The following HS6ST3 variants were observed in gnomAD, a reference collection of about 807,000 sequenced individuals.
The protein encoded by HS6ST3 is heparan sulfate 6-O-sulfotransferase 3, also known as heparan-sulfate 6-O-sulfotransferase 3.
Under a neutral mutation model 36.7 loss-of-function variants are expected in HS6ST3, and 12 were observed. The observed-to-expected ratio is 0.33, with a 90% CI of 0.21 to 0.53. The LOEUF (loss-of-function observed/expected upper bound fraction) is 0.53, where lower values mean the gene tolerates loss of function less well. HS6ST3 is among the 20% of genes least tolerant of loss of function. HS6ST3 has a pLI of 0.95. For synonymous variants in HS6ST3, 240 were observed against 257.5 expected (o/e 0.93, Z 0.65); for missense variants, 584 against 640.9 (o/e 0.91, Z 0.96).
intron 1 of HS6ST3, among the ~76,000 whole-genome samples, chr13:96,405,514 A>G (rs1443231605): frequency 6.6e-6 from 1 of 152,218 alleles, no homozygotes; most frequent in Non-Finnish European, 1.5e-5. Context: ...TACACAAGGA[A>G]TATCAGTGAA....
intron 1 of HS6ST3, among the ~76,000 whole-genome samples, chr13:96,437,561 C>A (rs561292496): frequency 1.8e-4 from 28 of 152,288 alleles, no homozygotes; most frequent in African/African-American, 6.5e-4. Context: ...GAATTAAATT[C>A]AGAGAATCTG....
rs1211616310 is a variant in HS6ST3 at position 96,836,855 on chromosome 13, A to T, written c.*3657A>T. ...ACTGGTTTTACAGCTCTGGTGTGTGATGTTACCAGACGCCTAGGCCCTCTC... is the reference window on the plus strand; with the variant it reads ...ACTGGTTTTACAGCTCTGGTGTGTGTTGTTACCAGACGCCTAGGCCCTCTC... On this transcript the variant is annotated 3_prime_UTR_variant, in exon 2 of 2. Transcript: ENST00000376705. The T allele has an allele frequency of 6.6e-6, 1 of 152,198 alleles. No individual in the cohort carries two copies. Among genetic ancestry groups the T allele is most frequent in the Non-Finnish European group, 1.5e-5 (1 of 68,036 alleles). 9.4% of individuals were successfully genotyped at this position (152,198 alleles called of 1,614,324 possible).
intron 1 of HS6ST3, among the ~76,000 whole-genome samples, chr13:96,222,685 A>C (rs1330860153): frequency 1.3e-5 from 2 of 152,276 alleles, no homozygotes; most frequent in African/African-American, 2.4e-5. Context: ...TGGAAAAATC[A>C]GAAGGAATTT....
intron 1 of HS6ST3, among the ~76,000 whole-genome samples, chr13:96,105,387 A>G (rs1255967040): frequency 6.6e-6 from 1 of 152,188 alleles, no homozygotes; most frequent in Non-Finnish European, 1.5e-5. Context: ...ACAATGGCTC[A>G]CACCTATAAT....
intron 1 of HS6ST3, among the ~76,000 whole-genome samples, chr13:96,687,688 G>A (rs2138442279): frequency 6.6e-6 from 1 of 152,044 alleles, no homozygotes; most frequent in South Asian, 2.1e-4. Flanking sequence ...GATAAGGGCA[G>A]GTGTGGTGGT....
At chr13:96,196,079 C>G (rs574133212) in intron 1 of HS6ST3, among the ~76,000 whole-genome samples, 169 of 152,176 alleles carry the variant, frequency 1.1e-3, no homozygotes, top group African/African-American at 3.8e-3. Flanking sequence ...TGTACTCTTA[C>G]AGTATGTTCC....
intron 1 of HS6ST3, among the ~76,000 whole-genome samples, chr13:96,384,669 A>G (rs2055358589): frequency 6.6e-6 from 1 of 152,162 alleles, no homozygotes. Context: ...CATGGAACTC[A>G]GGCTTTGTGT....
At chr13:96,375,189 A>G (rs992320280) in intron 1 of HS6ST3, among the ~76,000 whole-genome samples, 1 of 152,012 alleles carries the variant, frequency 6.6e-6, no homozygotes, top group African/African-American at 2.4e-5. Context: ...GACTTAGCCA[A>G]AACACCACCC....
At chr13:96,140,471 CT>C (rs1360942613) in intron 1 of HS6ST3, among the ~76,000 whole-genome samples, 3 of 152,080 alleles carry the variant, frequency 2.0e-5, no homozygotes, top group Non-Finnish European at 2.9e-5. Context: ...CATTGTAAAC[CT>C]TGACTAACAC....
chr13:96,475,253 G>T (rs1004998586), intron 1 of HS6ST3, among the ~76,000 whole-genome samples: 1 of 152,100 alleles, frequency 6.6e-6, no homozygotes, highest in African/African-American at 2.4e-5. Flanking sequence ...GATGGACCAT[G>T]ACTTAGAAGC....
chr13:96,108,735 G>A (rs943205336), intron 1 of HS6ST3, among the ~76,000 whole-genome samples: 1 of 152,094 alleles, frequency 6.6e-6, no homozygotes, highest in Admixed American at 6.6e-5. Context: ...AAGAGGTAAA[G>A]GACAGAGAAG....
At chr13:96,521,279 G>A (rs1173798224) in intron 1 of HS6ST3, among the ~76,000 whole-genome samples, 5 of 152,232 alleles carry the variant, frequency 3.3e-5, no homozygotes, top group African/African-American at 7.2e-5. Flanking sequence ...TTTTCACATC[G>A]ATGTTCATCA....
chr13:96,462,024 G>T (rs1285170822), intron 1 of HS6ST3, among the ~76,000 whole-genome samples: 1 of 152,134 alleles, frequency 6.6e-6, no homozygotes, highest in African/African-American at 2.4e-5. Context: ...TTAAGAAATT[G>T]ATTACTATGT....
intron 1 of HS6ST3, among the ~76,000 whole-genome samples, chr13:96,686,412 TAAA>T (rs1276651137): frequency 6.6e-6 from 1 of 152,048 alleles, no homozygotes; most frequent in East Asian, 1.9e-4. Flanking sequence ...CAAAGCCATC[TAAA>T]AAAGTGCCTT....
chr13:96,797,776 G>A (rs368106536), intron 1 of HS6ST3, among the ~76,000 whole-genome samples: 2 of 152,050 alleles, frequency 1.3e-5, no homozygotes, highest in Admixed American at 6.6e-5. Context: ...TAGTCACCAA[G>A]CAGTGTGTGG....
intron 1 of HS6ST3, among the ~76,000 whole-genome samples, chr13:96,457,891 G>A (rs887391169): frequency 4.0e-5 from 6 of 151,826 alleles, no homozygotes; most frequent in African/African-American, 1.2e-4. Flanking sequence ...CATGTCACCT[G>A]TTTCATTGAG....
intron 1 of HS6ST3, among the ~76,000 whole-genome samples, chr13:96,636,195 G>T (rs1274855541): frequency 1.3e-5 from 2 of 152,094 alleles, no homozygotes; most frequent in African/African-American, 2.4e-5. Flanking sequence ...TGCAAAATGT[G>T]CTTCTGACTG....
chr13:96,760,919 T>C (rs908941479), intron 1 of HS6ST3, among the ~76,000 whole-genome samples: 1 of 152,138 alleles, frequency 6.6e-6, no homozygotes, highest in Admixed American at 6.5e-5. Context: ...ATTTATAGAT[T>C]GGACGGGCAG....
At chr13:96,093,076 A>G (rs967595992) in intron 1 of HS6ST3, among the ~76,000 whole-genome samples, 2 of 152,200 alleles carry the variant, frequency 1.3e-5, no homozygotes, top group Non-Finnish European at 2.9e-5. Flanking sequence ...TTTCTGCTAC[A>G]TTTCATCCAA....
Sources: allele counts gnomAD v4.1 joint callset (sites outside exome capture counted in the v4.1 genomes callset), GRCh38; gene constraint gnomAD v4.1.1; transcripts MANE v1.5; gene names NCBI Gene and HGNC (gene_info 2026-07-23, HGNC 2026-07-21).